The following EVC2 variants were observed in gnomAD, a reference collection of about 807,000 sequenced individuals.
EVC2 encodes EvC ciliary complex subunit 2, also known as limbin.
In EVC2, 148 loss-of-function variants were observed where a neutral mutation model predicts 149.3. The ratio of observed to expected loss-of-function variants is 0.99; its 90% CI spans 0.87 to 1.14. The LOEUF (loss-of-function observed/expected upper bound fraction) is 1.14. Ranked by LOEUF, EVC2 falls within the 50% of genes most tolerant of loss-of-function variation. EVC2 has a pLI of 0.00. For synonymous variants in EVC2, 776 were observed against 649.9 expected, an observed-to-expected ratio of 1.19 and a Z score of -2.95; for missense variants, 1,854 against 1,627.3, an observed-to-expected ratio of 1.14 and a Z score of -2.40.
rs4689255 is a variant in EVC2, at chr4:5,567,685, G to A, written c.3557+759C>T. Reference sequence around the variant, plus strand: ...TTCACACCTGGGGCCCCATCCTAAAGGAGACTGTCTATGCAGAGTTACCCA... The same window carrying A: ...TTCACACCTGGGGCCCCATCCTAAAAGAGACTGTCTATGCAGAGTTACCCA... On this transcript the variant is annotated intron_variant, in intron 20 of 21. Transcript: ENST00000344408. This position sits in a 1 kb window ranked among gnomAD's most constrained non-coding sequence, Gnocchi z 4.4. Among the ~76,000 whole-genome samples, 44,469 of 151,776 alleles carry A rather than the reference G, an allele frequency of 0.29. 8,003 individuals carry two copies. The highest frequency in any genetic ancestry group is 0.86 in the East Asian group (4,427 of 5,126).
At chr4:5,599,389 C>A (rs897480449) in intron 16 of EVC2, among the ~76,000 whole-genome samples, 1 of 151,956 alleles carries the variant, frequency 6.6e-6, no homozygotes, top group Non-Finnish European at 1.5e-5. Context: ...TACTATGCAG[C>A]CATAAAAAAT....
At chr4:5,584,579 A>G (rs758337722) in intron 17 of EVC2, 44 bp downstream of exon 17, 1 of 1,582,956 alleles carries the variant, frequency 6.3e-7, no homozygotes, top group East Asian at 2.3e-5. Flanking sequence ...GGTACCAGAA[A>G]GACCCAGCTC....
chr4:5,706,021 G>T (rs1409652328), intron 1 of EVC2, among the ~76,000 whole-genome samples: 1 of 152,072 alleles, frequency 6.6e-6, no homozygotes, highest in East Asian at 1.9e-4. Context: ...CCAGCATCAG[G>T]GGGCCAGAGA....
intron 12 of EVC2, among the ~76,000 whole-genome samples, chr4:5,628,358 C>A (rs1716272029): frequency 6.6e-6 from 1 of 152,134 alleles, no homozygotes; most frequent in Admixed American, 6.5e-5. Context: ...CTCACACATG[C>A]ACTTCTTCCC....
chr4:5,619,950 G>A (rs968751018), intron 14 of EVC2, among the ~76,000 whole-genome samples: 2 of 152,196 alleles, frequency 1.3e-5, no homozygotes, highest in Admixed American at 1.3e-4. Flanking sequence ...GTTATCAGCA[G>A]AACACCCAAC....
Position 5,637,533 on chromosome 4 carries a change from G to C in EVC2, c.1470+2981C>G, listed in dbSNP as rs1026978642. Reference sequence around the variant, plus strand: ...GGATGAGCTGTTATTGTTACACATCGTATTTTTTAAGAGTATTTAATAAAA... The same window carrying C: ...GGATGAGCTGTTATTGTTACACATCCTATTTTTTAAGAGTATTTAATAAAA... On this transcript the variant is annotated intron_variant, in intron 10 of 21. Transcript: ENST00000344408. The surrounding 1 kb of genome is among the most constrained non-coding windows in gnomAD (Gnocchi z 4.4). Among the ~76,000 whole-genome samples the C allele has an allele frequency of 6.6e-6, 1 of 152,162 alleles. No homozygotes were observed. Among genetic ancestry groups the C allele is most frequent in the Non-Finnish European group, 1.5e-5 (1 of 68,028 alleles).
the EVC2 span, among the ~76,000 whole-genome samples, chr4:5,529,886 G>A: frequency 4.3e-4 from 64 of 148,146 alleles, no homozygotes; most frequent in African/African-American, 1.5e-3. The surrounding 1 kb of genome is among the most constrained non-coding windows in gnomAD (Gnocchi z 4.5). Context: ...GTGCAATCTC[G>A]GCTCACTGCA....
At chr4:5,592,991 C>T (rs1481268353) in intron 16 of EVC2, among the ~76,000 whole-genome samples, 1 of 152,154 alleles carries the variant, frequency 6.6e-6, no homozygotes. Context: ...AGAGTGAGTT[C>T]TCATGAGATC....
intron 2 of EVC2, among the ~76,000 whole-genome samples, chr4:5,695,395 T>C (rs1316949144): frequency 3.3e-5 from 5 of 151,834 alleles, no homozygotes; most frequent in African/African-American, 1.2e-4. Flanking sequence ...CTCCCTTAGA[T>C]TTTTCTCTGT....
chr4:5,565,355 G>A lies in EVC2; in HGVS notation c.3562C>T (p.His1188Tyr). Residue 1188 changes from histidine to tyrosine, a missense_variant, in exon 21 of 22, where the codon CAC becomes TAC. By Grantham distance (83) the His-to-Tyr change is moderately conservative. Transcript: ENST00000344408. The stretch of plus-strand genomic sequence containing the variant: ...TCTAAGGCTTGCCACCAGCTCTGGT[G>A]TTTCCTGCAGGCAAGAAGGGAGTCT... ...EQADVGRRRK[H>Y]QSWWQALDGK... 2 of 1,614,002 alleles carry A rather than the reference G, an allele frequency of 1.2e-6. No homozygotes were observed. Among genetic ancestry groups the A allele is most frequent in the Non-Finnish European group, 1.7e-6 (2 of 1,179,920 alleles).
At chr4:5,579,914 AT>A in intron 17 of EVC2, among the ~76,000 whole-genome samples, 1 of 152,208 alleles carries the variant, frequency 6.6e-6, no homozygotes, top group Non-Finnish European at 1.5e-5. Context: ...TTAAACTGAA[AT>A]GCAAATACAG....
Position 5,631,977 on chromosome 4 carries a change from T to C in EVC2, c.1526A>G (p.His509Arg). ...TTGCAAAGCGAGAGACTTCCTCAAG[T>C]GCTCCTGTTCCAGGCCATGGAGGGT... ...LRTLHGLEQEHLRKSLALQQE... is the reference protein window; with the variant it reads ...LRTLHGLEQERLRKSLALQQE... The change falls in exon 11 of 22, where the codon CAC becomes CGC. Residue 509 changes from histidine to arginine, a missense_variant. Transcript: ENST00000344408. The C allele has an allele frequency of 1.2e-6, 2 of 1,614,218 alleles. No individual in the cohort carries two copies. The highest frequency in any genetic ancestry group is 1.3e-5 in the African/African-American group (1 of 75,066).
At chr4:5,566,035 C>T (rs1376781690) in intron 20 of EVC2, among the ~76,000 whole-genome samples, 2 of 152,272 alleles carry the variant, frequency 1.3e-5, no homozygotes, top group Non-Finnish European at 2.9e-5. Context: ...GTCTCTTACC[C>T]TCCACGTAGC....
chr4:5,586,612 G>A (rs1322623997), intron 16 of EVC2, among the ~76,000 whole-genome samples: 1 of 151,970 alleles, frequency 6.6e-6, no homozygotes, highest in Non-Finnish European at 1.5e-5. Flanking sequence ...CTGCTACCTG[G>A]AGGCTTCATC....
Position 5,670,049 on chromosome 4 carries a change from A to AG in EVC2, c.871-4401dup, listed in dbSNP as rs746718354. The stretch of plus-strand genomic sequence containing the variant: ...TTTATCTGTGTTGTTAAATTATGCT[A>AG]GGTCCTGCCCTGCCTACAATGCCTC... On this transcript the variant is annotated intron_variant, in intron 7 of 21. Transcript: ENST00000344408. This position sits in a 1 kb window ranked among gnomAD's most constrained non-coding sequence, Gnocchi z 5.2. Among the ~76,000 whole-genome samples the AG allele has an allele frequency of 6.6e-6, 1 of 152,200 alleles. No individual in the cohort carries two copies. Among genetic ancestry groups the AG allele is most frequent in the East Asian group, 1.9e-4 (1 of 5,196 alleles).
In EVC2 at chr4:5,708,154, A is replaced by G. The variant is rs1057309924; in HGVS notation, c.228+132T>C. On this transcript the variant is annotated intron_variant, in intron 1 of 21. Coordinates refer to ENST00000344408, the MANE Select transcript of EVC2 (RefSeq NM_147127.5). ...AGCGGGATACACCTAAGGGCCGCGA[A>G]GCACCCTATTCAGATCCTGCCCTCC... 8 of 765,864 alleles carry G rather than the reference A, an allele frequency of 1.0e-5. No individual in the cohort carries two copies. In the African/African-American group the frequency reaches 1.5e-4, roughly 14 times the overall value. 47.4% of individuals were successfully genotyped at this position (765,864 alleles called of 1,614,324 possible). A position where few individuals can be genotyped will look rare whatever the true frequency, so the allele number is the denominator to read the frequency against.
chr4:5,647,454 A>G (rs1044373312), intron 9 of EVC2, among the ~76,000 whole-genome samples: 1 of 152,240 alleles, frequency 6.6e-6, no homozygotes, highest in African/African-American at 2.4e-5. Flanking sequence ...CTAGTTTTAA[A>G]CAACAGCTCA....
At position 5,543,397 on chromosome 4, in the gene EVC2, T is replaced by C. The variant is rs969284813; in HGVS notation, c.3420-185A>G. On this transcript the variant is annotated intron_variant and NMD_transcript_variant, in intron 21 of 22. Coordinates refer to the EVC2 transcript ENST00000475313. ...TTCCAAAATAAGCTCTTGAAATCCA[T>C]AGAAGACACAATTTTGAAGCCCAAA... Among the ~76,000 whole-genome samples the C allele has an allele frequency of 2.6e-5, 4 of 152,304 alleles. No homozygotes were observed. In the South Asian group the frequency reaches 8.3e-4, roughly 32 times the overall value.
intron 16 of EVC2, among the ~76,000 whole-genome samples, chr4:5,600,024 C>T (rs1168692391): frequency 1.3e-5 from 2 of 152,206 alleles, no homozygotes; most frequent in Non-Finnish European, 2.9e-5. Context: ...CTATCATCTA[C>T]ATTATCAAAG....
Sources: gnomAD v4.1 joint callset for allele counts (sites outside exome capture counted in the v4.1 genomes callset) on GRCh38, gnomAD v4.1.1 for gene constraint, Gnocchi (gnomAD v3.1) non-coding constraint, MANE v1.5 for transcripts, NCBI Gene and HGNC (gene_info 2026-07-23, HGNC 2026-07-21) for gene names.